FERRY3: variants seen among roughly 807,000 people sequenced by gnomAD.
FERRY3 encodes the protein protein C12orf4.
At chr12:4,506,685 C>G in the FERRY3 span, among the ~76,000 whole-genome samples, 2 of 152,054 alleles carry the variant, frequency 1.3e-5, no homozygotes, top group African/African-American at 4.8e-5. Flanking sequence ...ATGGCAATAC[C>G]TTGTTTAGTA....
chr12:4,503,353 T>C, the FERRY3 span, among the ~76,000 whole-genome samples: 10 of 152,338 alleles, frequency 6.6e-5, no homozygotes, highest in East Asian at 1.7e-3. Flanking sequence ...TTATTGATCC[T>C]CTGTTACTTA....
the FERRY3 span, among the ~76,000 whole-genome samples, chr12:4,515,322 A>G: frequency 6.6e-6 from 1 of 152,236 alleles, no homozygotes; most frequent in Non-Finnish European, 1.5e-5. Flanking sequence ...CGGCAACTCC[A>G]CTTTAGTGTA....
At chr12:4,502,456 C>G in the FERRY3 span, 1 of 447,774 alleles carries the variant, frequency 2.2e-6, no homozygotes, top group African/African-American at 2.0e-5. The surrounding 1 kb of genome is among the most constrained non-coding windows in gnomAD (Gnocchi z 4.2). Flanking sequence ...CAAGAAAAAT[C>G]TCATCAGCTT....
the FERRY3 span, among the ~76,000 whole-genome samples, chr12:4,506,066 CATT>C: frequency 6.6e-6 from 1 of 151,838 alleles, no homozygotes; most frequent in Admixed American, 6.6e-5. Flanking sequence ...ATAAAATAAA[CATT>C]ATGATTGAAT....
chr12:4,524,321 G>A, the FERRY3 span, among the ~76,000 whole-genome samples: 19 of 151,962 alleles, frequency 1.3e-4, no homozygotes, highest in African/African-American at 4.1e-4. Context: ...AGGCTGCAAC[G>A]AACAGTTTGG....
At chr12:4,504,222 G>A in the FERRY3 span, among the ~76,000 whole-genome samples, 4 of 152,310 alleles carry the variant, frequency 2.6e-5, no homozygotes, top group African/African-American at 4.8e-5. Context: ...CGGCGGTTTC[G>A]TGTGTAGGTT....
At chr12:4,518,318 G>T in the FERRY3 span, 3 of 1,418,486 alleles carry the variant, frequency 2.1e-6, no homozygotes, top group Non-Finnish European at 2.0e-6. Context: ...AGTATAACAA[G>T]ATGCAAATCT....
chr12:4,520,995 T>C, the FERRY3 span, among the ~76,000 whole-genome samples: 1 of 152,314 alleles, frequency 6.6e-6, no homozygotes. Flanking sequence ...TGTTCATTTC[T>C]GGACATAAAT....
At chr12:4,523,303 C>T in the FERRY3 span, among the ~76,000 whole-genome samples, 1 of 152,182 alleles carries the variant, frequency 6.6e-6, no homozygotes, top group African/African-American at 2.4e-5. Context: ...AAAGCAGCAT[C>T]AGCTACAGGC....
chr12:4,517,966 T>C, the FERRY3 span: 1 of 1,165,118 alleles, frequency 8.6e-7, no homozygotes, highest in South Asian at 1.5e-5. Context: ...GTGATTAAAA[T>C]TTTTTTTCAT....
chr12:4,512,452 G>C, the FERRY3 span, among the ~76,000 whole-genome samples: 16 of 152,280 alleles, frequency 1.1e-4, no homozygotes, highest in African/African-American at 3.6e-4. Context: ...GCAAATTTTA[G>C]ACCAATATCC....
chr12:4,505,662 A>T, the FERRY3 span, among the ~76,000 whole-genome samples: 1 of 152,258 alleles, frequency 6.6e-6, no homozygotes, highest in Admixed American at 6.5e-5. Flanking sequence ...ACAGATAAGT[A>T]GTGGAGCCAG....
chr12:4,533,024 C>G, the FERRY3 span, among the ~76,000 whole-genome samples: 331 of 152,346 alleles, frequency 2.2e-3, 2 homozygotes, highest in African/African-American at 7.4e-3. Flanking sequence ...GCTCGGTTTT[C>G]TCCTTAAATA....
chr12:4,513,463 T>TG, the FERRY3 span, among the ~76,000 whole-genome samples: 1 of 150,062 alleles, frequency 6.7e-6, no homozygotes, highest in Admixed American at 6.6e-5. Flanking sequence ...AGAACAAAGC[T>TG]GGAGGCATCA....
the FERRY3 span, among the ~76,000 whole-genome samples, chr12:4,501,765 T>C: frequency 6.6e-6 from 1 of 152,162 alleles, no homozygotes; most frequent in African/African-American, 2.4e-5. Flanking sequence ...GTAATAATAA[T>C]AGAAATAAAG....
At chr12:4,506,922 CAA>C in the FERRY3 span, among the ~76,000 whole-genome samples, 5 of 152,254 alleles carry the variant, frequency 3.3e-5, no homozygotes, top group East Asian at 9.6e-4. Flanking sequence ...GGTATTTTCA[CAA>C]AGTCCTTCTA....
chr12:4,511,090 C>G, the FERRY3 span, among the ~76,000 whole-genome samples: 3 of 148,352 alleles, frequency 2.0e-5, no homozygotes, highest in African/African-American at 7.4e-5. Context: ...GGTTGCAATC[C>G]TAGTCTCTGA....
the FERRY3 span, chr12:4,491,225 T>C: frequency 6.2e-7 from 1 of 1,612,826 alleles, no homozygotes. Flanking sequence ...CACCAGGGTA[T>C]AGTCATTTCC....
the FERRY3 span, among the ~76,000 whole-genome samples, chr12:4,524,776 A>T: frequency 6.6e-6 from 1 of 152,194 alleles, no homozygotes; most frequent in Non-Finnish European, 1.5e-5. Flanking sequence ...TACAAGTTAT[A>T]ATTTATGAGA....
Sources: gnomAD v4.1 joint callset for allele counts (sites outside exome capture counted in the v4.1 genomes callset) on GRCh38, gnomAD v4.1.1 for gene constraint, Gnocchi (gnomAD v3.1) non-coding constraint, MANE v1.5 for transcripts, NCBI Gene and HGNC (gene_info 2026-07-23, HGNC 2026-07-21) for gene names.